The following LRPPRC variants were observed in gnomAD, a reference collection of about 807,000 sequenced individuals.
The protein encoded by LRPPRC is leucine rich pentatricopeptide repeat containing, also known as leucine-rich PPR motif-containing protein, mitochondrial.
A neutral mutation model predicts 180.3 loss-of-function variants in LRPPRC; 120 were observed. The ratio of observed to expected loss-of-function variants is 0.67; its 90% CI spans 0.57 to 0.77. The LOEUF (loss-of-function observed/expected upper bound fraction) is 0.77, where lower values mean the gene tolerates loss of function less well. LRPPRC is among the 30% of genes least tolerant of loss of function. The probability of loss-of-function intolerance (pLI) is 0.00; values close to 1 mark genes in which losing one functional copy is unlikely to be tolerated. For synonymous variants in LRPPRC, 723 were observed against 600.0 expected, an observed-to-expected ratio of 1.21 and a Z score of -3.00; for missense variants, 2,012 against 1,657.2, an observed-to-expected ratio of 1.21 and a Z score of -3.72.
Position 43,886,711 on chromosome 2 carries a change from C to T in LRPPRC, c.*1889G>A, listed in dbSNP as rs1416188953. 6.6e-6 allele frequency: 1 copy of T among 152,140 alleles called. No individual in the cohort carries two copies. The highest frequency in any genetic ancestry group is 2.4e-5 in the African/African-American group (1 of 41,422). The allele number at this position is 152,140 out of a possible 1,614,324, so 9.4% of individuals were successfully genotyped here. A position where few individuals can be genotyped will look rare whatever the true frequency, so the allele number is the denominator to read the frequency against. The stretch of plus-strand genomic sequence containing the variant: ...TTCCCCAAAAAGATGACTGCGAAAT[C>T]CAGATTACACCCCAACGTTATGCCT... On this transcript the variant is annotated 3_prime_UTR_variant, in exon 38 of 38. Transcript: ENST00000260665.
chr2:43,949,982 T>C (rs957046551), intron 15 of LRPPRC, among the ~76,000 whole-genome samples: 23 of 152,228 alleles, frequency 1.5e-4, no homozygotes, highest in Admixed American at 9.2e-4. Flanking sequence ...AAAGAGCTTA[T>C]AGGAATTATT....
rs534241121 is a variant in LRPPRC, at chr2:43,925,570, A to G, written c.2805+323T>C. 3.3e-5 allele frequency among the ~76,000 whole-genome samples: 5 copies of G among 152,296 alleles called. No individual in the cohort carries two copies. The East Asian group carries it at 9.6e-4, about 29-fold the overall frequency. On this transcript the variant is annotated intron_variant, in intron 26 of 37. Coordinates refer to ENST00000260665, the MANE Select transcript of LRPPRC (RefSeq NM_133259.4). ...ACAGGTACCTGCACCAGAGGAGGGC[A>G]AGCAGAAATTCCAGAGCTCTGGGAA...
chr2:43,889,975 C>G (rs1670428022), intron 36 of LRPPRC, 99 bp from the exon 37 acceptor site: 4 of 825,938 alleles, frequency 4.8e-6, no homozygotes, highest in Non-Finnish European at 4.2e-6. Flanking sequence ...TCCCTTTATC[C>G]CACGGCAAAT....
rs369371090 is a variant in LRPPRC, at chr2:43,918,321, T to A, written c.2974A>T (p.Thr992Ser). The change falls in exon 28 of 38, where the codon ACA becomes TCA. Residue 992 changes from threonine to serine, a missense_variant. Physicochemically the swap from Thr to Ser is moderately conservative, Grantham distance 58. Coordinates refer to ENST00000260665, the MANE Select transcript of LRPPRC (RefSeq NM_133259.4). Reference protein sequence around the residue: ...QEENVIPREKTLRLLAEILRE... With the variant: ...QEENVIPREKSLRLLAEILRE... Reference sequence around the variant, plus strand: ...AGGATTTCTGCTAATAATCTTAATGTCTTTTCACGAGGAATAACATTTTCT... The same window carrying A: ...AGGATTTCTGCTAATAATCTTAATGACTTTTCACGAGGAATAACATTTTCT... 6.2e-7 allele frequency: 1 copy of A among 1,609,790 alleles called. No individual in the cohort carries two copies. The highest frequency in any genetic ancestry group is 1.3e-5 in the African/African-American group (1 of 74,868).
At chr2:43,974,005 T>C in intron 9 of LRPPRC, 105 bp from the exon 10 acceptor site, 1 of 1,121,678 alleles carries the variant, frequency 8.9e-7, no homozygotes, top group Non-Finnish European at 1.4e-6. Flanking sequence ...AAACCCCGCA[T>C]CCTCTTTCTA....
At chr2:43,924,088 C>T (rs1047388074) in intron 27 of LRPPRC, among the ~76,000 whole-genome samples, 12 of 152,114 alleles carry the variant, frequency 7.9e-5, no homozygotes, top group Non-Finnish European at 1.2e-4. Flanking sequence ...TTATTTACAT[C>T]ATCGAGATGT....
At chr2:43,918,826 T>G (rs1037451160) in intron 27 of LRPPRC, among the ~76,000 whole-genome samples, 2 of 146,890 alleles carry the variant, frequency 1.4e-5, no homozygotes, top group Admixed American at 6.8e-5. Flanking sequence ...TATATATCTA[T>G]ATATAGATAT....
In LRPPRC at chr2:43,973,657, T is replaced by G. The variant is rs992091796; in HGVS notation, c.1319A>C (p.His440Pro). Reference protein sequence around the residue: ...VKEEGFPIRPHYFWPLLVGRR... With the variant: ...VKEEGFPIRPPYFWPLLVGRR... ...TCCAACTAGCAATGGCCAGAAATAG[T>G]GAGGTCTGATAGGAAAACCTTCCTC... The change falls in exon 11 of 38, where the codon CAC becomes CCC. Residue 440 changes from histidine to proline, a missense_variant. Coordinates refer to ENST00000260665, the MANE Select transcript of LRPPRC (RefSeq NM_133259.4). The G allele has an allele frequency of 6.2e-7, 1 of 1,614,036 alleles. No individual in the cohort carries two copies. The highest frequency in any genetic ancestry group is 8.5e-7 in the Non-Finnish European group (1 of 1,179,920).
chr2:43,897,741 G>A (rs955739688), intron 34 of LRPPRC, among the ~76,000 whole-genome samples: 1 of 151,672 alleles, frequency 6.6e-6, no homozygotes, highest in Non-Finnish European at 1.5e-5. Context: ...GGGAGCAGGC[G>A]CCATCCCTGC....
At chr2:43,903,879 GT>G (rs2104997523) in intron 31 of LRPPRC, 2 of 152,276 alleles carry the variant, frequency 1.3e-5, no homozygotes, top group South Asian at 4.2e-4. Context: ...TGGCGAGCAA[GT>G]TTAACTTTTC....
intron 3 of LRPPRC, among the ~76,000 whole-genome samples, chr2:43,977,589 CTG>C (rs1275312043): frequency 6.6e-5 from 10 of 152,138 alleles, no homozygotes; most frequent in African/African-American, 1.7e-4. Flanking sequence ...TTAAAAGTGA[CTG>C]TAAGATTTTT....
chr2:43,896,827 G>A, intron 34 of LRPPRC, 119 bp from the exon 35 acceptor site: 2 of 700,720 alleles, frequency 2.9e-6, no homozygotes, highest in Non-Finnish European at 5.2e-6. Flanking sequence ...CCAATAGGAA[G>A]GCCTAATAGT....
At chr2:43,983,162 G>A (rs767242229) in intron 1 of LRPPRC, among the ~76,000 whole-genome samples, 1 of 152,048 alleles carries the variant, frequency 6.6e-6, no homozygotes, top group African/African-American at 2.4e-5. Flanking sequence ...TTACAAATTA[G>A]GTATGGTCAG....
intron 14 of LRPPRC, among the ~76,000 whole-genome samples, chr2:43,951,464 G>A (rs1027554036): frequency 6.6e-6 from 1 of 152,202 alleles, no homozygotes; most frequent in Non-Finnish European, 1.5e-5. Context: ...TGGTTCCTTT[G>A]CTGTATCCCG....
intron 31 of LRPPRC, 49 bp from the exon 32 acceptor site, chr2:43,901,573 C>T: frequency 2.5e-6 from 3 of 1,207,210 alleles, no homozygotes; most frequent in Non-Finnish European, 2.5e-6. Flanking sequence ...CCTGTGCTGA[C>T]TTTAATGCAT....
rs1336750694 is a variant in LRPPRC at position 43,979,934 on chromosome 2, T to C, written c.361A>G (p.Ser121Gly). Residue 121 changes from serine to glycine, a missense_variant, in exon 3 of 38, where the codon AGT becomes GGT. Coordinates refer to ENST00000260665, the MANE Select transcript of LRPPRC (RefSeq NM_133259.4). ...DTCRSGGLGG[S>G]HALLLLRSCG... ...CTACGTAGTAGAAGCAAGGCATGACTACCACCTAGGCCACCTGTGGAAAAA... is the reference window on the plus strand; with the variant it reads ...CTACGTAGTAGAAGCAAGGCATGACCACCACCTAGGCCACCTGTGGAAAAA... The C allele has an allele frequency of 3.0e-5, 49 of 1,613,852 alleles. No homozygotes were observed. The East Asian group carries it at 1.1e-3, about 35-fold the overall frequency.
chr2:43,971,485 TAAAA>T (rs528659622), intron 11 of LRPPRC, among the ~76,000 whole-genome samples: 5 of 62,416 alleles, frequency 8.0e-5, no homozygotes, highest in Non-Finnish European at 1.4e-4. Context: ...TGTGTCACAG[TAAAA>T]AAAAAAAAAA....
chr2:43,995,770 T>A, intron 1 of LRPPRC, 29 bp downstream of exon 1: 1 of 1,348,544 alleles, frequency 7.4e-7, no homozygotes, highest in Non-Finnish European at 9.4e-7. Flanking sequence ...GCGCCGCAGC[T>A]TGCCTGGAGA....
At chr2:43,954,295 G>A (rs6741740) in intron 14 of LRPPRC, among the ~76,000 whole-genome samples, 39,729 of 152,048 alleles carry the variant, frequency 0.26, 5,690 homozygotes, top group African/African-American at 0.37. Context: ...AACTGGCAAA[G>A]AATTTAAATA....
Sources: gnomAD v4.1 joint callset for allele counts (sites outside exome capture counted in the v4.1 genomes callset) on GRCh38, gnomAD v4.1.1 for gene constraint, MANE v1.5 for transcripts, NCBI Gene and HGNC (gene_info 2026-07-23, HGNC 2026-07-21) for gene names.